The following ADGRL4 variants were observed in gnomAD, a reference collection of about 807,000 sequenced individuals.
ADGRL4 encodes adhesion G protein-coupled receptor L4.
Under a neutral mutation model 74.8 loss-of-function variants are expected in ADGRL4, and 90 were observed. The observed-to-expected ratio is 1.20, with a 90% CI of 1.02 to 1.43. The LOEUF (loss-of-function observed/expected upper bound fraction) is 1.43, where lower values mean the gene tolerates loss of function less well. Among genes scored for constraint, ADGRL4 ranks in the 40% most tolerant of loss-of-function variants. The pLI is 0.00. For synonymous variants in ADGRL4, 311 were observed against 279.2 expected (o/e 1.11, Z -1.14); for missense variants, 881 against 814.3 (o/e 1.08, Z -1.00).
intron 8 of ADGRL4, among the ~76,000 whole-genome samples, 161 bp downstream of exon 8, chr1:78,926,725 G>A (rs17102419): frequency 0.63 from 95,099 of 151,736 alleles, 29,777 homozygotes; most frequent in East Asian, 0.7. Flanking sequence ...GAAACTACAA[G>A]AATATTTTAT....
intron 12 of ADGRL4, among the ~76,000 whole-genome samples, chr1:78,893,880 T>C (rs1275801932): frequency 6.6e-6 from 1 of 151,926 alleles, no homozygotes; most frequent in Non-Finnish European, 1.5e-5. Context: ...GACTGCATTA[T>C]GAAAAGTTGC....
At chr1:78,944,841 A>C (rs1387634718) in intron 3 of ADGRL4, among the ~76,000 whole-genome samples, 1 of 152,120 alleles carries the variant, frequency 6.6e-6, no homozygotes, top group Non-Finnish European at 1.5e-5. Context: ...TAGGTACATG[A>C]GACTGGATGA....
intron 2 of ADGRL4, among the ~76,000 whole-genome samples, chr1:79,002,377 A>G (rs1650861697): frequency 6.6e-6 from 1 of 152,026 alleles, no homozygotes; most frequent in Admixed American, 6.6e-5. Flanking sequence ...TATTCCCTTT[A>G]CTCATAGGCT....
At chr1:78,941,555 AT>A (rs1393993014) in intron 3 of ADGRL4, among the ~76,000 whole-genome samples, 1 of 148,600 alleles carries the variant, frequency 6.7e-6, no homozygotes, top group Non-Finnish European at 1.5e-5. Flanking sequence ...CTCAATTTCA[AT>A]CCCCCCTTTT....
chr1:78,901,359 A>T (rs1409175623), intron 12 of ADGRL4, among the ~76,000 whole-genome samples: 1 of 152,154 alleles, frequency 6.6e-6, no homozygotes, highest in Non-Finnish European at 1.5e-5. Flanking sequence ...AGAGACCTCA[A>T]AGGAAGGGGG....
chr1:78,900,753 C>T lies in ADGRL4; in HGVS notation c.1750-7564G>A, dbSNP rs542049168. 2.6e-5 allele frequency among the ~76,000 whole-genome samples: 4 copies of T among 152,236 alleles called. No homozygotes were observed. The East Asian group carries it at 7.7e-4, about 29-fold the overall frequency. ...GATTGCAAGTTTCCCAGCCATGCTT[C>T]CTGTACAGCCTGAGGAACTGTGAGT... On this transcript the variant is annotated intron_variant, in intron 12 of 14. Transcript: ENST00000370742.
At chr1:78,949,620 A>T (rs973039737) in intron 2 of ADGRL4, among the ~76,000 whole-genome samples, 4 of 152,158 alleles carry the variant, frequency 2.6e-5, no homozygotes, top group Non-Finnish European at 4.4e-5. Flanking sequence ...TAAACTTTCC[A>T]GTGTCCAACT....
chr1:78,922,081 A>C (rs1486814127), intron 8 of ADGRL4, among the ~76,000 whole-genome samples: 1 of 152,036 alleles, frequency 6.6e-6, no homozygotes, highest in Non-Finnish European at 1.5e-5. Flanking sequence ...AAGTTTGTTG[A>C]GTATTTTCTA....
intron 8 of ADGRL4, among the ~76,000 whole-genome samples, chr1:78,926,330 G>C (rs1351017297): frequency 6.6e-6 from 1 of 151,798 alleles, no homozygotes; most frequent in Non-Finnish European, 1.5e-5. Flanking sequence ...CTAAATAGTT[G>C]GTTAGTTCTA....
rs904744824 is a variant in ADGRL4, at chr1:78,936,386, T to G, written c.786A>C (p.Ser262=). ...GAGGATGAATATGTTTCATGTTATA[T>G]GAATCAAAAAAGAAAACTTTGAGAG... ...DIALKVFFFD[S]YNMKHIHPHM... The change falls in exon 7 of 15, where the codon TCA becomes TCC. Residue 262 remains serine (S), a synonymous_variant. Transcript: ENST00000370742. 3 of 1,569,084 alleles carry G rather than the reference T, an allele frequency of 1.9e-6. No individual in the cohort carries two copies. Among genetic ancestry groups the G allele is most frequent in the Non-Finnish European group, 2.6e-6 (3 of 1,165,484 alleles).
intron 2 of ADGRL4, among the ~76,000 whole-genome samples, chr1:78,966,450 C>T (rs1339906017): frequency 3.3e-5 from 5 of 152,278 alleles, no homozygotes; most frequent in East Asian, 3.9e-4. Flanking sequence ...TGGCGCCCAA[C>T]GTGGGTCTTG....
chr1:78,924,075 A>G (rs1649060010), intron 8 of ADGRL4, among the ~76,000 whole-genome samples: 1 of 151,970 alleles, frequency 6.6e-6, no homozygotes, highest in Non-Finnish European at 1.5e-5. Context: ...TACAAGAGAG[A>G]TAAAGAGAAA....
At chr1:78,898,146 A>G (rs901305164) in intron 12 of ADGRL4, among the ~76,000 whole-genome samples, 5 of 152,158 alleles carry the variant, frequency 3.3e-5, no homozygotes, top group African/African-American at 9.6e-5. Context: ...AGCATTTTTA[A>G]TAATAAAAAT....
chr1:78,935,196 C>T (rs760924776), intron 7 of ADGRL4, among the ~76,000 whole-genome samples: 24 of 152,110 alleles, frequency 1.6e-4, no homozygotes, highest in Non-Finnish European at 2.4e-4. Context: ...AAATGTGGTA[C>T]ATATACACCA....
chr1:78,994,754 G>A (rs1650680162), intron 2 of ADGRL4, among the ~76,000 whole-genome samples: 1 of 152,082 alleles, frequency 6.6e-6, no homozygotes, highest in Admixed American at 6.6e-5. Flanking sequence ...TATTGAAAGG[G>A]TCTAATTTGT....
chr1:78,901,094 T>G (rs942197721), intron 12 of ADGRL4, among the ~76,000 whole-genome samples: 2 of 152,178 alleles, frequency 1.3e-5, no homozygotes, highest in Admixed American at 1.3e-4. Context: ...AATAAAAATA[T>G]AGGATACCAG....
intron 2 of ADGRL4, among the ~76,000 whole-genome samples, chr1:78,961,392 C>T (rs1312552762): frequency 6.6e-6 from 1 of 152,088 alleles, no homozygotes. Context: ...CCGCCCACCT[C>T]GACCTCCCAA....
In ADGRL4 at chr1:79,006,667, C is replaced by A; in HGVS notation, c.-13G>T. Reference sequence around the variant, plus strand: ...GGAGGCGTTTCATTGGCGGTGGCCGCAGTGGTGGCGGTGGCGGAGAGCGCG... The same window carrying A: ...GGAGGCGTTTCATTGGCGGTGGCCGAAGTGGTGGCGGTGGCGGAGAGCGCG... On this transcript the variant is annotated 5_prime_UTR_variant, in exon 1 of 15. Transcript: ENST00000370742. 1.3e-6 allele frequency: 2 copies of A among 1,496,324 alleles called. No homozygotes were observed. The highest frequency in any genetic ancestry group is 1.8e-6 in the Non-Finnish European group (2 of 1,124,636). 92.7% of individuals were successfully genotyped at this position (1,496,324 alleles called of 1,614,324 possible). A position where few individuals can be genotyped will look rare whatever the true frequency, so the allele number is the denominator to read the frequency against.
chr1:78,897,947 A>C (rs151330771), intron 12 of ADGRL4, among the ~76,000 whole-genome samples: 1 of 152,268 alleles, frequency 6.6e-6, no homozygotes, highest in African/African-American at 2.4e-5. Context: ...ACAGTGTCAA[A>C]GCTTTAAATA....
Sources: allele counts gnomAD v4.1 joint callset (sites outside exome capture counted in the v4.1 genomes callset), GRCh38; gene constraint gnomAD v4.1.1; transcripts MANE v1.5; gene names NCBI Gene and HGNC (gene_info 2026-07-23, HGNC 2026-07-21).